Variants in TRPV3 observed in about 807,000 individuals in gnomAD.
TRPV3 encodes the protein transient receptor potential cation channel subfamily V member 3.
TRPV3 carries 88 observed loss-of-function variants against 87.1 expected under a neutral mutation model. The observed-to-expected ratio is 1.01, with a 90% CI of 0.85 to 1.21. The LOEUF is 1.21. Ranked by LOEUF, TRPV3 falls within the 50% of genes most tolerant of loss-of-function variation. The pLI is 0.00. For synonymous variants in TRPV3, 438 were observed against 423.3 expected, an observed-to-expected ratio of 1.03 and a Z score of -0.43; for missense variants, 1,054 against 1,030.1, an observed-to-expected ratio of 1.02 and a Z score of -0.32.
chr17:3,519,928 G>GGATA (rs2074230757), intron 14 of TRPV3, among the ~76,000 whole-genome samples: 1 of 148,934 alleles, frequency 6.7e-6, no homozygotes, highest in South Asian at 2.2e-4. Context: ...ATGGATGGAT[G>GGATA]GATGGATAGA....
At chr17:3,527,681 G>C in intron 11 of TRPV3, 1 of 351,540 alleles carries the variant, frequency 2.8e-6, no homozygotes, top group Non-Finnish European at 5.3e-6. Context: ...TGGTCGGTAA[G>C]GATGAGTGGA....
intron 9 of TRPV3, 69 bp downstream of exon 9, chr17:3,529,958 C>A (rs755873985): frequency 8.8e-5 from 134 of 1,527,902 alleles, no homozygotes; most frequent in Non-Finnish European, 1.2e-4. Context: ...TTCCCAGCGT[C>A]CTCTCAGCCC....
intron 12 of TRPV3, among the ~76,000 whole-genome samples, chr17:3,526,228 A>T (rs9901038): frequency 0.037 from 5,569 of 152,250 alleles, 264 homozygotes; most frequent in African/African-American, 0.1. Flanking sequence ...CTGGAATCCC[A>T]GCACTCTGCA....
chr17:3,536,771 T>C (rs962917830), intron 6 of TRPV3, among the ~76,000 whole-genome samples: 1 of 151,994 alleles, frequency 6.6e-6, no homozygotes, highest in African/African-American at 2.4e-5. Context: ...GGTGGGTGAA[T>C]GATACGCTGG....
chr17:3,532,946 T>C lies in TRPV3; in HGVS notation c.785-9A>G. The stretch of plus-strand genomic sequence containing the variant: ...GGCCAGGGGCGTCTCACCTGGGGGA[T>C]GAGCGCACTGAAGCTTGGTTCTCTC... On this transcript the variant is annotated splice_polypyrimidine_tract_variant and intron_variant, in intron 7 of 17. Coordinates refer to ENST00000576742, the MANE Select transcript of TRPV3 (RefSeq NM_145068.4). 6.2e-7 allele frequency: 1 copy of C among 1,612,554 alleles called. No individual in the cohort carries two copies. The highest frequency in any genetic ancestry group is 8.5e-7 in the Non-Finnish European group (1 of 1,179,308).
Position 3,535,663 on chromosome 17 carries a change from C to G in TRPV3, c.694G>C (p.Ala232Pro), listed in dbSNP as rs774374305. The G allele has an allele frequency of 8.1e-6, 13 of 1,601,522 alleles. 1 individual carries two copies. The South Asian group carries it at 1.2e-4, about 15-fold the overall frequency. The change falls in exon 7 of 18, where the codon GCC (alanine) becomes CCC (proline). Residue 232 changes from alanine (A) to proline (P), a missense_variant. Coordinates refer to ENST00000576742, the MANE Select transcript of TRPV3 (RefSeq NM_145068.4). The stretch of plus-strand genomic sequence containing the variant: ...TCGGCGCCGGCGGCGATGAGCAGGG[C>G]TGCGATGTCCCCCTGCCGCCGCTCG... ...AIERRQGDIA[A>P]LLIAAGADVN...
At chr17:3,534,172 G>T (rs926553345) in intron 7 of TRPV3, among the ~76,000 whole-genome samples, 1 of 152,072 alleles carries the variant, frequency 6.6e-6, no homozygotes, top group Non-Finnish European at 1.5e-5. Context: ...ACGATGAACT[G>T]GACAAGACCC....
chr17:3,516,368 G>A (rs986293454), intron 16 of TRPV3, 89 bp downstream of exon 16: 9 of 1,015,010 alleles, frequency 8.9e-6, no homozygotes, highest in Middle Eastern at 2.1e-4. Flanking sequence ...AGCAAGTGGC[G>A]GCACTGTTTC....
intron 1 of TRPV3, 31 bp from the exon 2 acceptor site, chr17:3,554,883 GCCGGGGGGA>G (rs773315641): frequency 6.6e-7 from 1 of 1,513,584 alleles, no homozygotes; most frequent in Admixed American, 1.8e-5. Flanking sequence ...AGATGCTCAG[GCCGGGGGGA>G]CAGGGGGAGC....
At chr17:3,519,406 A>C (rs977703642) in intron 14 of TRPV3, among the ~76,000 whole-genome samples, 3 of 135,066 alleles carry the variant, frequency 2.2e-5, no homozygotes, top group Non-Finnish European at 4.6e-5. Context: ...GGATGGATGG[A>C]TGGATGGATG....
chr17:3,549,741 G>A (rs1180277300), intron 2 of TRPV3, among the ~76,000 whole-genome samples: 5 of 151,516 alleles, frequency 3.3e-5, no homozygotes, highest in Non-Finnish European at 7.4e-5. Context: ...AGGATGGATG[G>A]ATGGATAGGT....
intron 15 of TRPV3, 129 bp from the exon 16 acceptor site, chr17:3,516,698 A>G (rs1475882769): frequency 2.2e-5 from 15 of 688,132 alleles, no homozygotes; most frequent in Non-Finnish European, 3.9e-5. Context: ...GGGTTTGGCT[A>G]ATCTACAGAA....
chr17:3,533,501 C>CTTTTTTTTT (rs11378089), intron 7 of TRPV3, among the ~76,000 whole-genome samples: 1 of 139,274 alleles, frequency 7.2e-6, no homozygotes, highest in African/African-American at 2.7e-5. Flanking sequence ...CTCTGCTTTA[C>CTTTTTTTTT]TTTTTTTTTT....
At chr17:3,524,755 T>TC (rs2074279942) in intron 12 of TRPV3, among the ~76,000 whole-genome samples, 1 of 148,236 alleles carries the variant, frequency 6.7e-6, no homozygotes, top group Non-Finnish European at 1.5e-5. Flanking sequence ...GAGAAACGCT[T>TC]CAGGCCAGGA....
chr17:3,514,182 A>AAT (rs1329538311), intron 17 of TRPV3, 171 bp from the exon 18 acceptor site: 3 of 558,354 alleles, frequency 5.4e-6, no homozygotes, highest in Non-Finnish European at 9.3e-6. Context: ...AGGTTCAAGC[A>AAT]ATTCTCCTGA....
chr17:3,514,205 A>T, intron 17 of TRPV3, 194 bp from the exon 18 acceptor site: 1 of 521,122 alleles, frequency 1.9e-6, no homozygotes, highest in South Asian at 2.4e-5. Flanking sequence ...CAGCCTCTCG[A>T]GTAGCTGGGA....
chr17:3,548,343 C>T (rs2074544240), intron 2 of TRPV3, among the ~76,000 whole-genome samples: 1 of 152,194 alleles, frequency 6.6e-6, no homozygotes, highest in Non-Finnish European at 1.5e-5. Flanking sequence ...TGGTCACCCC[C>T]CAGGGTAAAA....
At chr17:3,527,338 T>G (rs2074308941) in intron 11 of TRPV3, among the ~76,000 whole-genome samples, 1 of 152,174 alleles carries the variant, frequency 6.6e-6, no homozygotes, top group South Asian at 2.1e-4. Context: ...AAGTGCCATC[T>G]CTGCCTTCAA....
intron 9 of TRPV3, 72 bp from the exon 10 acceptor site, chr17:3,529,067 G>A (rs577862459): frequency 5.3e-5 from 83 of 1,561,972 alleles, no homozygotes; most frequent in Admixed American, 1.2e-4. Flanking sequence ...AAAGGCCTGC[G>A]GGAGCTCTGA....
Sources: gnomAD v4.1 joint callset for allele counts (sites outside exome capture counted in the v4.1 genomes callset) on GRCh38, gnomAD v4.1.1 for gene constraint, MANE v1.5 for transcripts, NCBI Gene and HGNC (gene_info 2026-07-23, HGNC 2026-07-21) for gene names.